RARB: variants seen among roughly 807,000 people sequenced by gnomAD.
RARB encodes the protein HBV-activated protein.
RARB carries 17 observed loss-of-function variants against 51.9 expected under a neutral mutation model. The observed-to-expected ratio is 0.33, with a 90% CI of 0.22 to 0.49. The LOEUF is 0.49. RARB is among the 20% of genes least tolerant of loss of function. The probability of loss-of-function intolerance (pLI) is 0.99; values close to 1 mark genes in which losing one functional copy is unlikely to be tolerated. For synonymous variants in RARB, 215 were observed against 195.4 expected, an observed-to-expected ratio of 1.10 and a Z score of -0.84; for missense variants, 369 against 550.8, an observed-to-expected ratio of 0.67 and a Z score of 3.30.
intron 3 of RARB, among the ~76,000 whole-genome samples, chr3:25,567,536 C>T (rs981526943): frequency 1.3e-5 from 2 of 152,212 alleles, no homozygotes; most frequent in African/African-American, 4.8e-5. Context: ...GATTCCACTT[C>T]CCCGTCATCG....
chr3:25,067,362 A>G (rs1485135259), intron 3 of RARB, among the ~76,000 whole-genome samples: 1 of 152,220 alleles, frequency 6.6e-6, no homozygotes, highest in African/African-American at 2.4e-5. Context: ...AGAGAATATG[A>G]TACACAGAGA....
At chr3:25,190,395 A>G (rs1456163960) in intron 5 of RARB, among the ~76,000 whole-genome samples, 22 of 152,032 alleles carry the variant, frequency 1.4e-4, no homozygotes, top group Admixed American at 1.4e-3. Flanking sequence ...GTGCAACTAT[A>G]TATGCATATA....
chr3:24,918,394 C>A (rs1214274508), intron 2 of RARB, among the ~76,000 whole-genome samples: 1 of 152,066 alleles, frequency 6.6e-6, no homozygotes, highest in Admixed American at 6.5e-5. Context: ...TATGAGTTGC[C>A]TGGGAGAGAA....
chr3:25,352,779 T>G (rs1705614554), intron 5 of RARB, among the ~76,000 whole-genome samples: 1 of 152,178 alleles, frequency 6.6e-6, no homozygotes, highest in Non-Finnish European at 1.5e-5. Context: ...GTAACATCAC[T>G]CATTACTTTC....
At chr3:25,160,705 T>C (rs1334872938) in intron 4 of RARB, among the ~76,000 whole-genome samples, 2 of 152,216 alleles carry the variant, frequency 1.3e-5, no homozygotes, top group African/African-American at 2.4e-5. Context: ...TATTATCTTA[T>C]AGCTCTGGAG....
chr3:25,327,198 A>G (rs1704745539), intron 5 of RARB, among the ~76,000 whole-genome samples: 1 of 152,152 alleles, frequency 6.6e-6, no homozygotes, highest in African/African-American at 2.4e-5. Context: ...AGGGAGAAAT[A>G]AGAGAAAACG....
intron 1 of RARB, among the ~76,000 whole-genome samples, chr3:25,457,070 T>G (rs887122409): frequency 3.9e-5 from 6 of 152,094 alleles, no homozygotes; most frequent in African/African-American, 1.4e-4. Flanking sequence ...TTTTTCTGTT[T>G]TAAATCTTAC....
intron 4 of RARB, among the ~76,000 whole-genome samples, chr3:25,140,572 T>C (rs1700092711): frequency 6.6e-6 from 1 of 152,192 alleles, no homozygotes; most frequent in Non-Finnish European, 1.5e-5. Flanking sequence ...AATATATTCC[T>C]GGTGAAGATG....
intron 2 of RARB, among the ~76,000 whole-genome samples, chr3:24,947,810 A>G (rs954387525): frequency 1.3e-5 from 2 of 152,186 alleles, no homozygotes; most frequent in African/African-American, 4.8e-5. Context: ...CAACACTGCC[A>G]TTTAGTAGCT....
At chr3:25,080,329 T>C (rs1013318192) in intron 3 of RARB, among the ~76,000 whole-genome samples, 1 of 152,232 alleles carries the variant, frequency 6.6e-6, no homozygotes, top group Non-Finnish European at 1.5e-5. Flanking sequence ...TATCCATTTA[T>C]ATGTTAACAA....
chr3:25,102,719 A>G (rs1609491), intron 3 of RARB, among the ~76,000 whole-genome samples: 111,665 of 152,014 alleles, frequency 0.73, 41,495 homozygotes, highest in Admixed American at 0.81. Context: ...AGCTTTCTCA[A>G]TTTCTGAATT....
At chr3:25,474,173 C>A (rs1695843767) in intron 2 of RARB, among the ~76,000 whole-genome samples, 1 of 152,130 alleles carries the variant, frequency 6.6e-6, no homozygotes, top group African/African-American at 2.4e-5. Flanking sequence ...GTACACAACA[C>A]CACCATTCAT....
At chr3:24,829,702 C>T (rs1702254743) in intron 1 of RARB, among the ~76,000 whole-genome samples, 1 of 152,236 alleles carries the variant, frequency 6.6e-6, no homozygotes, top group Non-Finnish European at 1.5e-5. Flanking sequence ...GTCTGACAGT[C>T]TCCCCGGACT....
intron 3 of RARB, among the ~76,000 whole-genome samples, chr3:25,086,020 G>A (rs893688609): frequency 1.3e-5 from 2 of 152,082 alleles, no homozygotes; most frequent in Non-Finnish European, 2.9e-5. Flanking sequence ...TACATCTTAC[G>A]GCTTTGCCAT....
At chr3:25,098,369 T>G (rs1199074146) in intron 3 of RARB, among the ~76,000 whole-genome samples, 1 of 152,192 alleles carries the variant, frequency 6.6e-6, no homozygotes, top group African/African-American at 2.4e-5. Context: ...CTTAGAAGTT[T>G]GAGATCTCTA....
Position 25,569,869 on chromosome 3 carries a change from C to T in RARB, c.560C>T (p.Ala187Val). Residue 187 changes from alanine to valine, a missense_variant, in exon 4 of 8, where the codon GCT becomes GTT. Physicochemically the swap from Ala to Val is moderately conservative, Grantham distance 64. Coordinates refer to ENST00000330688, the MANE Select transcript of RARB (RefSeq NM_000965.5). Reference sequence around the variant, plus strand: ...GATCTCACAGAGAAGATCCGAAAAGCTCACCAGGAAACTTTCCCTTCACTC... The same window carrying T: ...GATCTCACAGAGAAGATCCGAAAAGTTCACCAGGAAACTTTCCCTTCACTC... ...LDDLTEKIRKAHQETFPSLCQ... is the reference protein window; with the variant it reads ...LDDLTEKIRKVHQETFPSLCQ... 1.9e-6 allele frequency: 3 copies of T among 1,614,212 alleles called. No homozygotes were observed. Among genetic ancestry groups the T allele is most frequent in the East Asian group, 2.2e-5 (1 of 44,882 alleles).
rs556168420 is a variant in RARB at position 25,253,523 on chromosome 3, G to T, written c.178+78948G>T. Among the ~76,000 whole-genome samples, 4 of 152,118 alleles carry T rather than the reference G, an allele frequency of 2.6e-5. No homozygotes were observed. The East Asian group carries it at 7.7e-4, about 29-fold the overall frequency. ...AGCAAACCACTTTATGCACTAGGAGGGTCCCCAGACATAATTTATATATTG... is the reference window on the plus strand; with the variant it reads ...AGCAAACCACTTTATGCACTAGGAGTGTCCCCAGACATAATTTATATATTG... On this transcript the variant is annotated intron_variant, in intron 5 of 11. Coordinates refer to the RARB transcript ENST00000383772.
chr3:24,892,297 G>A (rs1247284669), intron 2 of RARB, among the ~76,000 whole-genome samples: 3 of 151,806 alleles, frequency 2.0e-5, no homozygotes, highest in Non-Finnish European at 2.9e-5. Context: ...AGAATGGGCT[G>A]GAGGTAGGAG....
intron 2 of RARB, among the ~76,000 whole-genome samples, chr3:24,915,223 C>T (rs1695081769): frequency 6.6e-6 from 1 of 152,072 alleles, no homozygotes; most frequent in Non-Finnish European, 1.5e-5. Context: ...CCCATGCTGT[C>T]CAACAGAAAT....
Sources: gnomAD v4.1 joint callset for allele counts (sites outside exome capture counted in the v4.1 genomes callset) on GRCh38, gnomAD v4.1.1 for gene constraint, MANE v1.5 for transcripts, NCBI Gene and HGNC (gene_info 2026-07-23, HGNC 2026-07-21) for gene names.